The following MEP1A variants were observed in gnomAD, a reference collection of about 807,000 sequenced individuals.
MEP1A encodes meprin A subunit alpha.
MEP1A carries 68 observed loss-of-function variants against 84.5 expected under a neutral mutation model. The observed-to-expected ratio is 0.80, with a 90% CI of 0.66 to 0.98. MEP1A has a LOEUF of 0.98. MEP1A is among the 50% of genes least tolerant of loss of function. MEP1A has a pLI of 0.00. For missense variants in MEP1A, 887 were observed against 919.9 expected, an observed-to-expected ratio of 0.96 and a Z score of 0.46; for synonymous variants, 337 against 336.8, an observed-to-expected ratio of 1.00 and a Z score of -0.01.
chr6:46,842,124 C>A (rs1330006244), downstream of MEP1A, among the ~76,000 whole-genome samples: 1 of 152,012 alleles, frequency 6.6e-6, no homozygotes, highest in African/African-American at 2.4e-5. Flanking sequence ...TTTCTTAATC[C>A]CATTATCTTT....
intron 6 of MEP1A, among the ~76,000 whole-genome samples, chr6:46,816,117 A>C (rs1189598268): frequency 6.6e-6 from 1 of 151,730 alleles, no homozygotes; most frequent in Non-Finnish European, 1.5e-5. Context: ...TTGTATTTTT[A>C]GTAGAGATGG....
chr6:46,841,391 G>T (rs1768328936), downstream of MEP1A, among the ~76,000 whole-genome samples: 1 of 152,094 alleles, frequency 6.6e-6, no homozygotes, highest in African/African-American at 2.4e-5. Flanking sequence ...ATGTTATTCA[G>T]CTTTTCTTTG....
chr6:46,845,294 CTG>C, the MEP1A span, among the ~76,000 whole-genome samples: 2 of 152,170 alleles, frequency 1.3e-5, no homozygotes, highest in Non-Finnish European at 2.9e-5. Flanking sequence ...ATCCTAATGA[CTG>C]ATAACGGGAC....
chr6:46,819,800 C>G (rs1767726343), intron 7 of MEP1A, 96 bp downstream of exon 7: 1 of 1,298,640 alleles, frequency 7.7e-7, no homozygotes, highest in African/African-American at 1.5e-5. Context: ...GCTTCAGCCT[C>G]TCTAGTGGGA....
intron 6 of MEP1A, among the ~76,000 whole-genome samples, chr6:46,814,755 T>C (rs1767593960): frequency 6.6e-6 from 1 of 152,218 alleles, no homozygotes; most frequent in South Asian, 2.1e-4. Flanking sequence ...TGATGTGGTG[T>C]TCTCCCCCTT....
chr6:46,797,788 CTTTCTCTTTCTTTCTTTCTTTCTT>C lies in MEP1A; in HGVS notation c.146-816_146-793del, dbSNP rs1425141501. On this transcript the variant is annotated intron_variant, in intron 3 of 13. Transcript: ENST00000230588. ...TTTCTTTCTTTTTCTTTCTTTCTTTCTTTCTCTTTCTTTCTTTCTTTCTTTCTTTCTTTCTTTCTTTCTTTCTTT... is the reference window on the plus strand; with the variant it reads ...TTTCTTTCTTTTTCTTTCTTTCTTTCTCTTTCTTTCTTTCTTTCTTTCTTT... 9.2e-4 allele frequency among the ~76,000 whole-genome samples: 125 copies of C among 135,596 alleles called. 1 individual carries two copies. The South Asian group carries it at 0.013, about 14-fold the overall frequency. The allele number at this position is 135,596 out of a possible 152,430, so 89.0% of individuals were successfully genotyped here.
chr6:46,807,945 A>G (rs1767404073), intron 5 of MEP1A, among the ~76,000 whole-genome samples: 1 of 152,012 alleles, frequency 6.6e-6, no homozygotes, highest in Admixed American at 6.6e-5. Flanking sequence ...CTCTGTTTCC[A>G]TTTATCCCAA....
At position 46,833,479 on chromosome 6, in the gene MEP1A, T is replaced by A. The variant is rs763815651; in HGVS notation, c.1550T>A (p.Val517Asp). The part of the protein sequence containing the change: ...IITILDQEPD[V>D]RNRMSSSMVF... ...ACCATCCTTGACCAGGAGCCTGATG[T>A]CCGGAACAGGATGTCCTCAAGCATG... Residue 517 changes from valine to aspartate, a missense_variant, in exon 11 of 14, where the codon GTC (valine) becomes GAC (aspartate). Physicochemically the swap from Val to Asp is radical, Grantham distance 152. Transcript: ENST00000230588. 25 of 1,614,004 alleles carry A rather than the reference T, an allele frequency of 1.5e-5. No homozygotes were observed. The highest frequency in any genetic ancestry group is 1.9e-5 in the Non-Finnish European group (23 of 1,180,018).
intron 10 of MEP1A, among the ~76,000 whole-genome samples, chr6:46,832,289 G>A (rs1043821197): frequency 2.6e-5 from 4 of 152,056 alleles, no homozygotes; most frequent in African/African-American, 7.2e-5. Context: ...CTTTGCTTTC[G>A]CAGTTTCCTC....
chr6:46,833,109 G>C lies in MEP1A; in HGVS notation c.1180G>C (p.Val394Leu), dbSNP rs756828283. Residue 394 changes from valine (V) to leucine (L), a missense_variant, in exon 11 of 14, where the codon GTG (valine) becomes CTG (leucine). By Grantham distance (32) the Val-to-Leu change is conservative. Coordinates refer to ENST00000230588, the MANE Select transcript of MEP1A (RefSeq NM_005588.3). ...CCACAATTGGAAAATTGCCCATGTG[G>C]TGCTCAAAGAGGAACAGAAGTTTCG... ...DDHNWKIAHV[V>L]LKEEQKFRYL... is the part of the protein sequence containing the mutation. 7.2e-6 allele frequency: 11 copies of C among 1,534,852 alleles called. No individual in the cohort carries two copies. In the Admixed American group the frequency reaches 1.1e-4, roughly 15 times the overall value.
Position 46,829,783 on chromosome 6 carries a change from A to G in MEP1A, c.1144+212A>G, listed in dbSNP as rs115031258. ...TAACCACTGAGAAATTAGAAGCAGT[A>G]TCTTGGGCTTAGGTAGGGATGAAAT... On this transcript the variant is annotated intron_variant, in intron 10 of 13. Transcript: ENST00000230588. Among the ~76,000 whole-genome samples, 1,479 of 152,250 alleles carry G rather than the reference A, an allele frequency of 9.7e-3. 25 individuals are homozygous for G. The highest frequency in any genetic ancestry group is 0.034 in the African/African-American group (1,405 of 41,540).
intron 5 of MEP1A, 62 bp downstream of exon 5, chr6:46,799,243 T>C: frequency 8.9e-7 from 1 of 1,120,108 alleles, no homozygotes; most frequent in Non-Finnish European, 1.4e-6. Context: ...TCTCAGCCTG[T>C]CCATGGGCTT....
chr6:46,841,591 TGA>T (rs539235898), downstream of MEP1A, among the ~76,000 whole-genome samples: 1 of 152,228 alleles, frequency 6.6e-6, no homozygotes, highest in Non-Finnish European at 1.5e-5. Context: ...TCCCTGAATC[TGA>T]GTGTCTGACT....
At position 46,822,965 on chromosome 6, in the gene MEP1A, C is replaced by T. The variant is rs1767816662; in HGVS notation, c.557-2307C>T. 2.6e-5 allele frequency among the ~76,000 whole-genome samples: 4 copies of T among 152,228 alleles called. No individual in the cohort carries two copies. In the South Asian group the frequency reaches 6.2e-4, roughly 24 times the overall value. On this transcript the variant is annotated intron_variant, in intron 7 of 13. Transcript: ENST00000230588. ...TAGACTCTTATGCTCTTTAAAATTC[C>T]ATTACCTCAAATGACATCCTAGGAC... is the stretch of plus-strand genomic sequence containing the variant.
chr6:46,825,335 A>C lies in MEP1A; in HGVS notation c.620A>C (p.Asp207Ala). 6.2e-7 allele frequency: 1 copy of C among 1,613,766 alleles called. No homozygotes were observed. Among genetic ancestry groups the C allele is most frequent in the Non-Finnish European group, 8.5e-7 (1 of 1,179,846 alleles). ...SLITDLNTPY[D>A]YESLMHYQPF... ...ATCACAGACCTCAATACACCCTATG[A>C]TTATGAGTCTTTGATGCACTACCAG... Residue 207 changes from aspartate to alanine, a missense_variant, in exon 8 of 14, where the codon GAT becomes GCT. Coordinates refer to ENST00000230588, the MANE Select transcript of MEP1A (RefSeq NM_005588.3).
In MEP1A at chr6:46,839,144, G is replaced by T; in HGVS notation, c.*8G>T. The T allele has an allele frequency of 1.2e-6, 2 of 1,610,542 alleles. No individual in the cohort carries two copies. Among genetic ancestry groups the T allele is most frequent in the Non-Finnish European group, 8.5e-7 (1 of 1,178,832 alleles). ...CAAAGGCCAAGGAAGTGACCTGCCT[G>T]CTGGCATTGGCCAGACCACAGCAGC... On this transcript the variant is annotated 3_prime_UTR_variant, in exon 14 of 14. Coordinates refer to ENST00000230588, the MANE Select transcript of MEP1A (RefSeq NM_005588.3).
intron 3 of MEP1A, among the ~76,000 whole-genome samples, chr6:46,796,563 T>A (rs1253524162): frequency 6.6e-6 from 1 of 152,250 alleles, no homozygotes. Context: ...GAGAGTCATC[T>A]CCTTAAGGAC....
In MEP1A at chr6:46,833,043, A is replaced by T. The variant is rs746879699; in HGVS notation, c.1145-31A>T. 5 of 1,282,510 alleles carry T rather than the reference A, an allele frequency of 3.9e-6. No homozygotes were observed. The South Asian group carries it at 7.3e-5, about 19-fold the overall frequency. The allele number at this position is 1,282,510 out of a possible 1,614,324, so 79.4% of individuals were successfully genotyped here. On this transcript the variant is annotated intron_variant, in intron 10 of 13. Transcript: ENST00000230588. ...TAAGTACTCATTAAGTGTTGGTCAC[A>T]GTTCTCACCAGCCTTGTTCTCTGTC...
intron 5 of MEP1A, among the ~76,000 whole-genome samples, chr6:46,807,557 AAAGAAAGAAAGG>A (rs1767362844): frequency 1.1e-3 from 74 of 66,018 alleles, no homozygotes; most frequent in East Asian, 5.0e-3. Flanking sequence ...AGAAAGAAAG[AAAGAAAGAAAGG>A]AAGGAAGGAA....
Sources: gnomAD v4.1 joint callset for allele counts (sites outside exome capture counted in the v4.1 genomes callset) on GRCh38, gnomAD v4.1.1 for gene constraint, MANE v1.5 for transcripts, NCBI Gene and HGNC (gene_info 2026-07-23, HGNC 2026-07-21) for gene names.